The following AFF4 variants were observed in gnomAD, a reference collection of about 807,000 sequenced individuals.
AFF4 encodes the protein AF4/FMR2 family member 4.
A neutral mutation model predicts 124.8 loss-of-function variants in AFF4; 13 were observed. The observed-to-expected ratio is 0.10, with a 90% CI of 0.07 to 0.17. The LOEUF is 0.17. AFF4 is among the 10% of genes least tolerant of loss of function. The pLI is 1.00. For synonymous variants in AFF4, 477 were observed against 496.1 expected (o/e 0.96, Z 0.51); for missense variants, 1,092 against 1,403.8 (o/e 0.78, Z 3.55).
chr5:132,938,455 A>G (rs1761484780), intron 1 of AFF4, among the ~76,000 whole-genome samples: 2 of 151,660 alleles, frequency 1.3e-5, no homozygotes, highest in Admixed American at 6.6e-5. Context: ...TAGTAGAGAC[A>G]GGATTTCACC....
At chr5:132,885,381 G>T (rs941362861) in intron 18 of AFF4, among the ~76,000 whole-genome samples, 1 of 147,054 alleles carries the variant, frequency 6.8e-6, no homozygotes, top group African/African-American at 2.5e-5. Context: ...AAGGGAAGGG[G>T]GATACATCCC....
chr5:132,901,250 C>G (rs190927992), intron 7 of AFF4: 116 of 678,288 alleles, frequency 1.7e-4, no homozygotes, highest in Non-Finnish European at 2.0e-4. Context: ...GCTCAGGGCC[C>G]TGCACGCTTT....
intron 7 of AFF4, among the ~76,000 whole-genome samples, chr5:132,901,973 G>A (rs957017675): frequency 5.9e-5 from 9 of 152,148 alleles, no homozygotes; most frequent in African/African-American, 2.2e-4. Context: ...AGACTATGTG[G>A]CTCTGAAAGC....
chr5:132,952,333 C>T (rs192964314), intron 1 of AFF4, among the ~76,000 whole-genome samples: 15 of 152,328 alleles, frequency 9.8e-5, no homozygotes, highest in Non-Finnish European at 1.9e-4. Flanking sequence ...TATTTCTTTA[C>T]CAAGATCATT....
intron 5 of AFF4, among the ~76,000 whole-genome samples, chr5:132,910,599 C>A (rs746679582): frequency 6.6e-6 from 1 of 152,142 alleles, no homozygotes; most frequent in Non-Finnish European, 1.5e-5. Flanking sequence ...TGAAGTTGTA[C>A]CCACTTAAAT....
chr5:132,887,541 A>G lies in AFF4; in HGVS notation c.2985T>C (p.Asp995=), dbSNP rs1418547788. Residue 995 remains aspartate, a synonymous_variant, in exon 17 of 21, where the codon GAT becomes GAC. Coordinates refer to ENST00000265343, the MANE Select transcript of AFF4 (RefSeq NM_014423.4). The part of the protein sequence containing the change: ...NYLAPDATAA[D]KRLTVLCLRC... ...CTCACCAAAGTACTGTGAGTCGTTT[A>G]TCTGCAGCTGTAGCATCTGGTGCCA... is the stretch of plus-strand genomic sequence containing the variant. 1 of 1,613,996 alleles carries G rather than the reference A, an allele frequency of 6.2e-7. No homozygotes were observed. The highest frequency in any genetic ancestry group is 8.5e-7 in the Non-Finnish European group (1 of 1,179,850).
intron 1 of AFF4, among the ~76,000 whole-genome samples, chr5:132,953,057 C>A (rs1244257365): frequency 6.6e-6 from 1 of 151,868 alleles, no homozygotes; most frequent in Non-Finnish European, 1.5e-5. Context: ...GGGCTAGGCA[C>A]TACCATGCCT....
At chr5:132,950,511 T>C (rs1761817506) in intron 1 of AFF4, among the ~76,000 whole-genome samples, 1 of 151,990 alleles carries the variant, frequency 6.6e-6, no homozygotes, top group African/African-American at 2.4e-5. Flanking sequence ...AAGCTAGGCA[T>C]GGTGGTGGGC....
rs1313956912 is a variant in AFF4 at position 132,920,893 on chromosome 5, C to A, written c.1050+6228G>T. 2.0e-5 allele frequency among the ~76,000 whole-genome samples: 3 copies of A among 151,906 alleles called. No homozygotes were observed. The East Asian group carries it at 5.8e-4, about 29-fold the overall frequency. On this transcript the variant is annotated intron_variant, in intron 5 of 20. Transcript: ENST00000265343. The stretch of plus-strand genomic sequence containing the variant: ...CTATAATCCCAGCACTTTGGGAGGC[C>A]GGGGTGGGCAGATCATAAGGTCAGG...
At chr5:132,910,644 C>A (rs1014646552) in intron 5 of AFF4, among the ~76,000 whole-genome samples, 5 of 151,956 alleles carry the variant, frequency 3.3e-5, no homozygotes, top group Non-Finnish European at 5.9e-5. Flanking sequence ...TAAGAAGCAA[C>A]CCACCTTAGC....
intron 11 of AFF4, among the ~76,000 whole-genome samples, chr5:132,893,327 G>A (rs768482245): frequency 3.9e-5 from 6 of 152,134 alleles, no homozygotes; most frequent in South Asian, 2.1e-4. Context: ...AGACTGAAAC[G>A]CATTTCCTAC....
chr5:132,925,254 A>T (rs1325239941), intron 5 of AFF4, among the ~76,000 whole-genome samples: 1 of 152,040 alleles, frequency 6.6e-6, no homozygotes, highest in South Asian at 2.1e-4. Flanking sequence ...AAAAGGTAAG[A>T]GTGATATGGC....
intron 1 of AFF4, among the ~76,000 whole-genome samples, chr5:132,938,103 T>C (rs1761474639): frequency 6.6e-6 from 1 of 151,556 alleles, no homozygotes; most frequent in African/African-American, 2.4e-5. Flanking sequence ...GACCTGGTTT[T>C]GTTTTTTTTT....
intron 1 of AFF4, among the ~76,000 whole-genome samples, chr5:132,940,155 G>A (rs1455833978): frequency 6.6e-6 from 1 of 151,844 alleles, no homozygotes; most frequent in Non-Finnish European, 1.5e-5. Context: ...AGTCAAGATC[G>A]CACCACTGGA....
At chr5:132,888,231 G>GT in intron 14 of AFF4, 71 bp from the exon 15 acceptor site, 1 of 1,171,072 alleles carries the variant, frequency 8.5e-7, no homozygotes, top group Non-Finnish European at 1.2e-6. Context: ...TCAGTATCTA[G>GT]TATCCCTCAG....
intron 1 of AFF4, 122 bp from the exon 2 acceptor site, chr5:132,937,315 G>C (rs1761455148): frequency 2.5e-6 from 3 of 1,208,568 alleles, no homozygotes; most frequent in Admixed American, 5.5e-5. Context: ...AGTAATAACA[G>C]GCATTAGTGC....
In AFF4 at chr5:132,880,463, A is replaced by T; in HGVS notation, c.*596T>A. The T allele has an allele frequency of 2.5e-6, 1 of 397,626 alleles. No individual in the cohort carries two copies. Among genetic ancestry groups the T allele is most frequent in the East Asian group, 3.6e-5 (1 of 27,958 alleles). 24.6% of individuals were successfully genotyped at this position (397,626 alleles called of 1,614,324 possible). On this transcript the variant is annotated 3_prime_UTR_variant, in exon 21 of 21. Transcript: ENST00000265343. ...ATTTAAGTGATTTTTTCATGTGTAG[A>T]AGAATATCCTTAATACTAACTGTAA... is the stretch of plus-strand genomic sequence containing the variant.
At chr5:132,955,069 G>C (rs1373342959) in intron 1 of AFF4, among the ~76,000 whole-genome samples, 3 of 152,236 alleles carry the variant, frequency 2.0e-5, no homozygotes, top group South Asian at 4.1e-4. Context: ...AAAAGGGATG[G>C]AGTGGGAAGA....
chr5:132,933,176 T>C (rs1761339940), intron 3 of AFF4, among the ~76,000 whole-genome samples: 1 of 152,040 alleles, frequency 6.6e-6, no homozygotes, highest in African/African-American at 2.4e-5. Flanking sequence ...GGCGGGCGGA[T>C]CACGTGAGGT....
Sources: gnomAD v4.1 joint callset for allele counts (sites outside exome capture counted in the v4.1 genomes callset) on GRCh38, gnomAD v4.1.1 for gene constraint, MANE v1.5 for transcripts, NCBI Gene and HGNC (gene_info 2026-07-23, HGNC 2026-07-21) for gene names.